NDUFAF6: variants seen among roughly 807,000 people sequenced by gnomAD.
NDUFAF6 encodes the protein NADH dehydrogenase (ubiquinone) complex I, assembly factor 6.
In NDUFAF6, 45 loss-of-function variants were observed where a neutral mutation model predicts 40.8. The observed-to-expected ratio is 1.10, with a 90% CI of 0.87 to 1.42. NDUFAF6 has a LOEUF of 1.42. Ranked by LOEUF, NDUFAF6 falls within the 40% of genes most tolerant of loss-of-function variation. The pLI is 0.00. For missense variants in NDUFAF6, 435 were observed against 418.5 expected (o/e 1.04, Z -0.34); for synonymous variants, 185 against 155.9 (o/e 1.19, Z -1.39).
intron 1 of NDUFAF6, chr8:94,896,519 C>G (rs995607150): frequency 6.6e-6 from 1 of 151,992 alleles, no homozygotes; most frequent in African/African-American, 2.4e-5. Flanking sequence ...GCGGCGGGAG[C>G]AGCGAGGCGG....
At chr8:95,047,757 C>T (rs1274767354) in intron 6 of NDUFAF6, among the ~76,000 whole-genome samples, 1 of 151,934 alleles carries the variant, frequency 6.6e-6, no homozygotes, top group African/African-American at 2.4e-5. Context: ...GATTCGCTTG[C>T]CTCGGCCTCC....
rs571292764 is a variant in NDUFAF6, at chr8:94,967,662, CG to C, written c.-199+9486del. ...TATCAAAATGTCAGCCACCGCACCA[CG>C]GGCGCGGTGGCTCACGTCTGTAATC... On this transcript the variant is annotated intron_variant, in intron 1 of 9. Coordinates refer to the NDUFAF6 transcript ENST00000396111. 8.2e-3 allele frequency among the ~76,000 whole-genome samples: 1,246 copies of C among 152,056 alleles called. 11 individuals are homozygous for C. The highest frequency in any genetic ancestry group is 0.013 in the Non-Finnish European group (878 of 67,968).
chr8:95,007,659 G>GTTTTTTTTTTTTTTTTTTT, intron 2 of NDUFAF6, among the ~76,000 whole-genome samples: 1 of 103,788 alleles, frequency 9.6e-6, no homozygotes, highest in Non-Finnish European at 1.9e-5. Context: ...GTGAGGCTCT[G>GTTTTTTTTTTTTTTTTTTT]TTTTTTTTTT....
intron 2 of NDUFAF6, among the ~76,000 whole-genome samples, chr8:94,994,459 G>A (rs774563190): frequency 2.6e-5 from 4 of 151,900 alleles, no homozygotes; most frequent in African/African-American, 4.8e-5. Context: ...GCTGAGGCAG[G>A]AGAATCGCTT....
At chr8:95,104,425 G>A (rs1162716533), downstream of NDUFAF6, among the ~76,000 whole-genome samples, 1 of 152,106 alleles carries the variant, frequency 6.6e-6, no homozygotes, top group African/African-American at 2.4e-5. Flanking sequence ...TACTTGCCTG[G>A]TCCCTGTACG....
At chr8:94,933,022 G>A (rs1182732924) in intron 1 of NDUFAF6, among the ~76,000 whole-genome samples, 1 of 152,154 alleles carries the variant, frequency 6.6e-6, no homozygotes, top group Non-Finnish European at 1.5e-5. Context: ...TTTGAGACCA[G>A]CCTGGCCAAT....
At chr8:95,011,106 C>T (rs774563153) in intron 2 of NDUFAF6, among the ~76,000 whole-genome samples, 4 of 152,196 alleles carry the variant, frequency 2.6e-5, no homozygotes, top group Non-Finnish European at 5.9e-5. Flanking sequence ...GAGCTGTAAA[C>T]GGGAGGCTGT....
chr8:95,011,753 AC>A (rs1356460354), intron 2 of NDUFAF6, among the ~76,000 whole-genome samples: 1 of 152,166 alleles, frequency 6.6e-6, no homozygotes, highest in Non-Finnish European at 1.5e-5. Context: ...TTCAGACACC[AC>A]CCCTTGCCTC....
chr8:94,916,974 C>T (rs12548367), intron 1 of NDUFAF6, among the ~76,000 whole-genome samples: 97,652 of 151,164 alleles, frequency 0.65, 31,902 homozygotes, highest in East Asian at 0.79. Context: ...ATTAGCCAGG[C>T]ATGGTGGCGG....
intron 1 of NDUFAF6, among the ~76,000 whole-genome samples, chr8:95,031,214 A>G (rs968680888): frequency 2.0e-5 from 3 of 152,198 alleles, no homozygotes; most frequent in Non-Finnish European, 2.9e-5. Flanking sequence ...GTGTTCACCA[A>G]TACCGGGAAT....
chr8:95,007,404 C>T (rs895340231), intron 2 of NDUFAF6, among the ~76,000 whole-genome samples: 1 of 151,954 alleles, frequency 6.6e-6, no homozygotes, highest in Non-Finnish European at 1.5e-5. Flanking sequence ...TGACTCATGC[C>T]CATAATCCCA....
chr8:95,062,796 A>G (rs577705639), downstream of NDUFAF6, among the ~76,000 whole-genome samples: 47 of 152,340 alleles, frequency 3.1e-4, no homozygotes, highest in African/African-American at 1.1e-3. Flanking sequence ...TTGTCTTTGT[A>G]TACCCAGAAC....
At chr8:95,034,022 C>T (rs1454099863) in intron 2 of NDUFAF6, 1 of 457,824 alleles carries the variant, frequency 2.2e-6, no homozygotes, top group Non-Finnish European at 4.4e-6. Flanking sequence ...ACTCTTGCTG[C>T]TGTCTTGCTG....
chr8:94,906,951 G>A (rs1337304008), intron 1 of NDUFAF6, among the ~76,000 whole-genome samples: 2 of 152,210 alleles, frequency 1.3e-5, no homozygotes, highest in East Asian at 1.9e-4. Context: ...CCAGCACCTA[G>A]CATTGTGCCT....
chr8:95,086,625 C>T (rs1232200227), intron 2 of NDUFAF6, among the ~76,000 whole-genome samples: 3 of 139,044 alleles, frequency 2.2e-5, no homozygotes, highest in Non-Finnish European at 4.6e-5. Context: ...TTTTTCGAGA[C>T]GGAGTTTCCT....
intron 1 of NDUFAF6, among the ~76,000 whole-genome samples, chr8:94,972,877 G>A (rs986164537): frequency 2.0e-5 from 3 of 151,922 alleles, no homozygotes; most frequent in South Asian, 2.1e-4. Flanking sequence ...CAGCCTGGAC[G>A]ACAGAGCAAG....
chr8:95,090,534 G>A (rs1809213896), intron 2 of NDUFAF6, among the ~76,000 whole-genome samples: 1 of 152,028 alleles, frequency 6.6e-6, no homozygotes. Context: ...TTTCTCCTCT[G>A]CGGGCTTCAG....
At chr8:95,082,428 C>A (rs1254312855) in intron 2 of NDUFAF6, among the ~76,000 whole-genome samples, 1 of 152,032 alleles carries the variant, frequency 6.6e-6, no homozygotes. Context: ...GCCCTGGTGC[C>A]CAGCTGTATT....
intron 2 of NDUFAF6, among the ~76,000 whole-genome samples, chr8:94,952,433 C>G (rs933597714): frequency 6.6e-6 from 1 of 152,222 alleles, no homozygotes; most frequent in Non-Finnish European, 1.5e-5. Context: ...TACCCATCAA[C>G]AGTTAGGATC....
Sources: allele counts gnomAD v4.1 joint callset (sites outside exome capture counted in the v4.1 genomes callset), GRCh38; gene constraint gnomAD v4.1.1; transcripts MANE v1.5; gene names NCBI Gene and HGNC (gene_info 2026-07-23, HGNC 2026-07-21).